Variants in DIAPH1 observed in about 807,000 individuals in gnomAD.
The protein encoded by DIAPH1 is protein diaphanous homolog 1.
In DIAPH1, 46 loss-of-function variants were observed where a neutral mutation model predicts 140.7. The ratio of observed to expected loss-of-function variants is 0.33; its 90% CI spans 0.26 to 0.42. The LOEUF is 0.42. Ranked by LOEUF, DIAPH1 falls within the 10% of genes least tolerant of loss-of-function variation. The probability of loss-of-function intolerance (pLI) is 1.00; values close to 1 mark genes in which losing one functional copy is unlikely to be tolerated. For synonymous variants in DIAPH1, 565 were observed against 551.6 expected (o/e 1.02, Z -0.34); for missense variants, 1,310 against 1,558.7 (o/e 0.84, Z 2.69).
At chr5:141,529,735 G>T in intron 19 of DIAPH1, 38 bp from the exon 20 acceptor site, 2 of 1,568,934 alleles carry the variant, frequency 1.3e-6, no homozygotes, top group South Asian at 1.1e-5. Flanking sequence ...GTTCTTCTCG[G>T]TCTGTTCCCG....
At chr5:141,591,002 A>G (rs1167117247) in intron 1 of DIAPH1, among the ~76,000 whole-genome samples, 1 of 152,164 alleles carries the variant, frequency 6.6e-6, no homozygotes, top group African/African-American at 2.4e-5. Context: ...TTCTCCATTG[A>G]AAAGCCTTCA....
chr5:141,557,925 T>G (rs2099892898), intron 18 of DIAPH1: 1 of 152,240 alleles, frequency 6.6e-6, no homozygotes, highest in South Asian at 2.1e-4. Flanking sequence ...CTCCTTTTTT[T>G]ATTCCTGCGT....
At position 141,606,689 on chromosome 5, in the gene DIAPH1, G is replaced by T. The variant is rs536014551; in HGVS notation, c.117+12109C>A. ...GCTTTCATTTTTAATAATAAAAGTT[G>T]ATAGCCTTACACTATGTAAAATAAC... On this transcript the variant is annotated intron_variant, in intron 1 of 27. Transcript: ENST00000389054. Among the ~76,000 whole-genome samples the T allele has an allele frequency of 2.6e-5, 4 of 152,258 alleles. No homozygotes were observed. In the South Asian group the frequency reaches 8.3e-4, roughly 32 times the overall value.
chr5:141,584,302 T>C lies in DIAPH1; in HGVS notation c.301-77A>G, dbSNP rs138084142. ...AAATTTTTAGTGTTTAATATTAGTATGCTTAGTGAAGAGTTGAGCATGTAA... is the reference window on the plus strand; with the variant it reads ...AAATTTTTAGTGTTTAATATTAGTACGCTTAGTGAAGAGTTGAGCATGTAA... On this transcript the variant is annotated intron_variant, in intron 3 of 27. Transcript: ENST00000389054. The C allele has an allele frequency of 3.9e-3, 3,071 of 793,500 alleles. 19 individuals carry two copies. The highest frequency in any genetic ancestry group is 9.3e-3 in the Admixed American group (482 of 51,998). 49.2% of individuals were successfully genotyped at this position (793,500 alleles called of 1,614,324 possible).
chr5:141,615,144 T>C (rs997278371), intron 1 of DIAPH1, among the ~76,000 whole-genome samples: 1 of 152,066 alleles, frequency 6.6e-6, no homozygotes, highest in African/African-American at 2.4e-5. Context: ...ATAGTAAAAA[T>C]CATTCTCTTG....
chr5:141,574,909 C>G (rs370174914), intron 15 of DIAPH1, 58 bp downstream of exon 15: 1 of 1,599,140 alleles, frequency 6.3e-7, no homozygotes, highest in Non-Finnish European at 8.6e-7. Flanking sequence ...GACTCCTGTT[C>G]CAAGCCATGT....
At chr5:141,536,339 T>G (rs1275111926) in intron 18 of DIAPH1, among the ~76,000 whole-genome samples, 2 of 151,996 alleles carry the variant, frequency 1.3e-5, no homozygotes, top group African/African-American at 4.8e-5. Flanking sequence ...TAGTCCCAGT[T>G]TGAGGAAGAA....
intron 20 of DIAPH1, 147 bp from the exon 21 acceptor site, chr5:141,529,420 G>A: frequency 1.1e-6 from 1 of 896,744 alleles, no homozygotes; most frequent in Non-Finnish European, 1.8e-6. Context: ...CAGCTACTGA[G>A]ATGGGGGTAC....
At position 141,573,960 on chromosome 5, in the gene DIAPH1, G is replaced by C; in HGVS notation, c.1890C>G (p.Pro630=). 2 of 1,551,106 alleles carry C rather than the reference G, an allele frequency of 1.3e-6. No individual in the cohort carries two copies. Among genetic ancestry groups the C allele is most frequent in the Non-Finnish European group, 1.7e-6 (2 of 1,147,620 alleles). ...TAGCAGTACCTCCAGGTAAAGAAGG[G>C]GGTGAGGAGATGCAAACACCCCCAG... The part of the protein sequence containing the change: ...PLPGGVCISS[P]PSLPGGTAIS... The change falls in exon 16 of 28, where the codon CCC becomes CCG. Residue 630 remains proline (P), a synonymous_variant. Coordinates refer to ENST00000389054, the MANE Select transcript of DIAPH1 (RefSeq NM_005219.5).
At chr5:141,609,794 A>G (rs956668706) in intron 1 of DIAPH1, among the ~76,000 whole-genome samples, 3 of 152,232 alleles carry the variant, frequency 2.0e-5, no homozygotes, top group African/African-American at 7.2e-5. Flanking sequence ...TACTGAATAC[A>G]GGAAAACAAA....
chr5:141,610,775 T>C (rs2099901710), intron 1 of DIAPH1, among the ~76,000 whole-genome samples: 1 of 151,426 alleles, frequency 6.6e-6, no homozygotes, highest in African/African-American at 2.4e-5. Context: ...TCTACAAAAA[T>C]AAAACATAAA....
chr5:141,576,082 TAC>T (rs1237641460), intron 14 of DIAPH1, 146 bp downstream of exon 14: 4 of 685,134 alleles, frequency 5.8e-6, no homozygotes, highest in Non-Finnish European at 1.0e-5. Flanking sequence ...GACTACCCTA[TAC>T]TGGAAAGGTT....
At chr5:141,518,737 G>C in intron 27 of DIAPH1, 2 of 608,668 alleles carry the variant, frequency 3.3e-6, no homozygotes. Context: ...TGTCTAGGCT[G>C]GTCTTGAACT....
chr5:141,596,138 G>C (rs1043567123), intron 1 of DIAPH1, among the ~76,000 whole-genome samples: 3 of 152,116 alleles, frequency 2.0e-5, no homozygotes, highest in Non-Finnish European at 4.4e-5. Context: ...GACCATCCTG[G>C]CTAACACAGT....
Position 141,529,242 on chromosome 5 carries a change from TGCTCTG to T in DIAPH1, c.2702_2707del (p.Pro901_Glu902del). 3 of 1,614,186 alleles carry T rather than the reference TGCTCTG, an allele frequency of 1.9e-6. No individual in the cohort carries two copies. The highest frequency in any genetic ancestry group is 2.5e-6 in the Non-Finnish European group (3 of 1,180,016). On this transcript the variant is annotated inframe_deletion, in exon 21 of 28. Coordinates refer to ENST00000389054, the MANE Select transcript of DIAPH1 (RefSeq NM_005219.5). ...CTTCAGTTCAGAAAGCATTTTTAAC[TGCTCTG>T]GCTCTGGCATTTGCTTAATGAGGTT...
intron 1 of DIAPH1, among the ~76,000 whole-genome samples, chr5:141,604,630 T>C (rs1490885089): frequency 2.0e-5 from 3 of 152,250 alleles, no homozygotes; most frequent in Non-Finnish European, 4.4e-5. Flanking sequence ...CGCTTCTACA[T>C]ACAGGCACCA....
rs1347749897 is a variant in DIAPH1 at position 141,577,532 on chromosome 5, G to A, written c.1223C>T (p.Pro408Leu). ...LNTVKDSKAE[P>L]HFLSILQHLL... ...GTGCTGCAGGATGGAAAGGAAGTGTGGCTCTGCCTTTGAATCCTTCACTGT... is the reference window on the plus strand; with the variant it reads ...GTGCTGCAGGATGGAAAGGAAGTGTAGCTCTGCCTTTGAATCCTTCACTGT... Residue 408 changes from proline to leucine, a missense_variant, in exon 12 of 28, where the codon CCA (proline) becomes CTA (leucine). Pro to Leu is a moderately conservative substitution (Grantham distance 98, BLOSUM62 -3). Coordinates refer to ENST00000389054, the MANE Select transcript of DIAPH1 (RefSeq NM_005219.5). 6.2e-7 allele frequency: 1 copy of A among 1,613,972 alleles called. No homozygotes were observed. Among genetic ancestry groups the A allele is most frequent in the Non-Finnish European group, 8.5e-7 (1 of 1,179,882 alleles).
intron 1 of DIAPH1, among the ~76,000 whole-genome samples, chr5:141,592,030 C>T (rs1477387329): frequency 6.8e-6 from 1 of 147,540 alleles, no homozygotes; most frequent in Non-Finnish European, 1.5e-5. Context: ...TGCAGTGAGC[C>T]GAGATCGCAC....
chr5:141,546,774 G>A (rs2099890864), intron 18 of DIAPH1, among the ~76,000 whole-genome samples: 1 of 152,196 alleles, frequency 6.6e-6, no homozygotes, highest in African/African-American at 2.4e-5. Flanking sequence ...TACACTCTAG[G>A]AACAGGGTGA....
Sources: gnomAD v4.1 joint callset for allele counts (sites outside exome capture counted in the v4.1 genomes callset) on GRCh38, gnomAD v4.1.1 for gene constraint, MANE v1.5 for transcripts, NCBI Gene and HGNC (gene_info 2026-07-23, HGNC 2026-07-21) for gene names.